ESRRG: variants seen among roughly 807,000 people sequenced by gnomAD.
ESRRG encodes the protein estrogen-related receptor gamma.
ESRRG carries 13 observed loss-of-function variants against 44.0 expected under a neutral mutation model. That is an observed-to-expected ratio of 0.30 (90% CI 0.19 to 0.47). ESRRG has a LOEUF of 0.47. ESRRG is among the 20% of genes least tolerant of loss of function. The probability of loss-of-function intolerance (pLI) is 1.00; values close to 1 mark genes in which losing one functional copy is unlikely to be tolerated. For missense variants in ESRRG, 395 were observed against 580.6 expected, an observed-to-expected ratio of 0.68 and a Z score of 3.29; for synonymous variants, 215 against 214.6, an observed-to-expected ratio of 1.00 and a Z score of -0.02.
At chr1:216,703,841 A>G (rs1158753930) in intron 1 of ESRRG, among the ~76,000 whole-genome samples, 1 of 152,082 alleles carries the variant, frequency 6.6e-6, no homozygotes, top group African/African-American at 2.4e-5. Context: ...AGTCTTGCCT[A>G]ACTCACCTGA....
chr1:216,573,592 C>T (rs376224255), intron 3 of ESRRG, among the ~76,000 whole-genome samples: 1 of 151,564 alleles, frequency 6.6e-6, no homozygotes, highest in Admixed American at 6.6e-5. Flanking sequence ...TATGATCGAA[C>T]GGTAAAATAA....
At chr1:216,894,623 G>A (rs1266414666) in intron 2 of ESRRG, among the ~76,000 whole-genome samples, 1 of 152,090 alleles carries the variant, frequency 6.6e-6, no homozygotes, top group Non-Finnish European at 1.5e-5. Flanking sequence ...CTTATTTTTA[G>A]AAAGAACAAA....
Position 216,652,695 on chromosome 1 carries a change from A to G in ESRRG, c.473-1606T>C, listed in dbSNP as rs541427687. ...CTATACTCTTAGAAAACCAAGGATA[A>G]GTCAAAGAAACCAGGGTGGCCGGGT... On this transcript the variant is annotated intron_variant, in intron 2 of 6. Coordinates refer to ENST00000408911, the MANE Select transcript of ESRRG (RefSeq NM_001438.4). Among the ~76,000 whole-genome samples, 69 of 152,306 alleles carry G rather than the reference A, an allele frequency of 4.5e-4. 1 individual carries two copies. In the South Asian group the frequency reaches 0.013, roughly 29 times the overall value.
chr1:216,632,322 G>A (rs1200770575), intron 3 of ESRRG, among the ~76,000 whole-genome samples: 2 of 152,102 alleles, frequency 1.3e-5, no homozygotes, highest in Non-Finnish European at 2.9e-5. Flanking sequence ...GGTGATGATA[G>A]CATTTGTGAA....
chr1:216,761,861 C>T (rs1038547509), intron 2 of ESRRG, among the ~76,000 whole-genome samples: 2 of 152,004 alleles, frequency 1.3e-5, no homozygotes, highest in East Asian at 1.9e-4. Flanking sequence ...CAATCCATTC[C>T]CCAGTTTTCA....
chr1:216,516,668 C>CACACACACACACACACACACACAG (rs376701865), intron 6 of ESRRG, among the ~76,000 whole-genome samples: 365 of 137,204 alleles, frequency 2.7e-3, no homozygotes, highest in Admixed American at 4.8e-3. Context: ...CACACACACA[C>CACACACACACACACACACACACAG]AGAGAGAGAG....
intron 5 of ESRRG, among the ~76,000 whole-genome samples, chr1:216,527,719 C>T (rs1451879659): frequency 6.6e-6 from 1 of 152,140 alleles, no homozygotes; most frequent in Non-Finnish European, 1.5e-5. Context: ...AAATCATTCT[C>T]AAATACACAC....
chr1:217,101,764 ATG>A (rs1342756356), intron 1 of ESRRG, among the ~76,000 whole-genome samples: 2 of 150,678 alleles, frequency 1.3e-5, no homozygotes, highest in Non-Finnish European at 2.9e-5. Context: ...TTGTGTGTGT[ATG>A]TGTTTGTGGT....
intron 3 of ESRRG, among the ~76,000 whole-genome samples, chr1:216,642,536 T>C (rs1472239776): frequency 6.6e-6 from 1 of 152,160 alleles, no homozygotes; most frequent in Non-Finnish European, 1.5e-5. Flanking sequence ...CTATTGCTTA[T>C]ATTATAACTT....
rs1433303341 is a variant in ESRRG, at chr1:216,505,075, G to A, written c.*1864C>T. 2 of 152,580 alleles carry A rather than the reference G, an allele frequency of 1.3e-5. No homozygotes were observed. The highest frequency in any genetic ancestry group is 3.9e-4 in the East Asian group (2 of 5,190). The allele number at this position is 152,580 out of a possible 1,614,324, so 9.5% of individuals were successfully genotyped here. A position where few individuals can be genotyped will look rare whatever the true frequency, so the allele number is the denominator to read the frequency against. On this transcript the variant is annotated 3_prime_UTR_variant, in exon 7 of 7. Coordinates refer to ENST00000408911, the MANE Select transcript of ESRRG (RefSeq NM_001438.4). ...CACAGCAAACATGAAACATTGAAAA[G>A]CTGAACTACATTTCTTTTGTTTGTT...
At chr1:216,514,259 T>C (rs541320835) in intron 6 of ESRRG, among the ~76,000 whole-genome samples, 1 of 152,220 alleles carries the variant, frequency 6.6e-6, no homozygotes, top group Admixed American at 6.5e-5. Flanking sequence ...CTAAATAGAA[T>C]TAAAATAATC....
intron 2 of ESRRG, among the ~76,000 whole-genome samples, chr1:216,653,124 G>T (rs1194340633): frequency 6.6e-6 from 1 of 152,180 alleles, no homozygotes; most frequent in African/African-American, 2.4e-5. Flanking sequence ...CTACCAGGAT[G>T]ATCCACTGCC....
intron 1 of ESRRG, among the ~76,000 whole-genome samples, chr1:217,009,188 A>AC (rs745738713): frequency 8.0e-4 from 121 of 151,678 alleles, no homozygotes; most frequent in Non-Finnish European, 1.4e-3. Flanking sequence ...ACCAGGTATT[A>AC]CCCCCTTACC....
At position 216,677,481 on chromosome 1, in the gene ESRRG, T is replaced by C; in HGVS notation, c.67A>G (p.Arg23Gly). The change falls in exon 2 of 7, where the codon AGA becomes GGA. Residue 23 changes from arginine to glycine, a missense_variant. Physicochemically the swap from Arg to Gly is moderately radical, Grantham distance 125. Coordinates refer to ENST00000408911, the MANE Select transcript of ESRRG (RefSeq NM_001438.4). ...ATGTGTCGATCTTTGTTTGACATTC[T>C]GCAGAGAAGCCTGAGATTGAGGAGA... is the stretch of plus-strand genomic sequence containing the variant. ...SLHYEEELLC[R>G]MSNKDRHIDS... 1.9e-6 allele frequency: 3 copies of C among 1,606,334 alleles called. No individual in the cohort carries two copies. The highest frequency in any genetic ancestry group is 2.6e-6 in the Non-Finnish European group (3 of 1,175,074).
chr1:216,966,991 C>T (rs1011211154), intron 1 of ESRRG, among the ~76,000 whole-genome samples: 2 of 152,122 alleles, frequency 1.3e-5, no homozygotes, highest in African/African-American at 4.8e-5. Flanking sequence ...TGTACACATC[C>T]ATTTGAACTG....
intron 5 of ESRRG, among the ~76,000 whole-genome samples, chr1:216,563,875 T>A (rs11572783): frequency 0.012 from 1,849 of 152,264 alleles, 25 homozygotes; most frequent in Non-Finnish European, 0.02. Context: ...GACAAAAACA[T>A]TTTTTAAAGT....
At chr1:216,771,845 G>A (rs777967215) in intron 2 of ESRRG, among the ~76,000 whole-genome samples, 1 of 126,854 alleles carries the variant, frequency 7.9e-6, no homozygotes, top group Admixed American at 9.5e-5. Context: ...GAAAGACATA[G>A]CTAATGAGGT....
chr1:216,534,103 CA>C (rs11572802), intron 5 of ESRRG, among the ~76,000 whole-genome samples: 31 of 152,200 alleles, frequency 2.0e-4, no homozygotes, highest in African/African-American at 5.5e-4. Flanking sequence ...CACACAAATG[CA>C]GGCACATTGC....
At chr1:217,061,737 C>A (rs2088552431) in intron 1 of ESRRG, among the ~76,000 whole-genome samples, 1 of 152,108 alleles carries the variant, frequency 6.6e-6, no homozygotes, top group Admixed American at 6.6e-5. Flanking sequence ...CTGCCACAAT[C>A]TAAATTTAAT....
Sources: allele counts gnomAD v4.1 joint callset (sites outside exome capture counted in the v4.1 genomes callset), GRCh38; gene constraint gnomAD v4.1.1; transcripts MANE v1.5; gene names NCBI Gene and HGNC (gene_info 2026-07-23, HGNC 2026-07-21).